THEM4: variants seen among roughly 807,000 people sequenced by gnomAD.
THEM4 encodes thioesterase superfamily member 4, also known as acyl-coenzyme A thioesterase THEM4.
Under a neutral mutation model 25.0 loss-of-function variants are expected in THEM4, and 22 were observed. The observed-to-expected ratio is 0.88, with a 90% CI of 0.63 to 1.26. The LOEUF (loss-of-function observed/expected upper bound fraction) is 1.26. Ranked by LOEUF, THEM4 falls within the 50% of genes most tolerant of loss-of-function variation. The probability of loss-of-function intolerance (pLI) is 0.00; values close to 1 mark genes in which losing one functional copy is unlikely to be tolerated. For synonymous variants in THEM4, 113 were observed against 105.6 expected (o/e 1.07, Z -0.43); for missense variants, 286 against 300.3 (o/e 0.95, Z 0.35).
At position 151,871,702 on chromosome 1, in the gene THEM4, A is replaced by G. The variant is rs1653557074; in HGVS notation, c.*3186T>C. ...AACCAGTGTAAGAAATGAAACTGTA[A>G]AGGGAAAAAAGTGGATACGAAGGGA... On this transcript the variant is annotated 3_prime_UTR_variant, in exon 6 of 6. Coordinates refer to ENST00000368814, the MANE Select transcript of THEM4 (RefSeq NM_053055.5). 1.3e-5 allele frequency among the ~76,000 whole-genome samples: 2 copies of G among 151,850 alleles called. No individual in the cohort carries two copies. Among genetic ancestry groups the G allele is most frequent in the Admixed American group, 1.3e-4 (2 of 15,268 alleles).
intron 4 of THEM4, among the ~76,000 whole-genome samples, chr1:151,883,094 T>TTTTTA (rs1653882390): frequency 7.2e-6 from 1 of 138,290 alleles, no homozygotes; most frequent in South Asian, 2.4e-4. Flanking sequence ...TGTCAAATGC[T>TTTTTA]TTTATTTATT....
At chr1:151,890,047 C>CA (rs1654060061) in intron 2 of THEM4, 1 of 283,836 alleles carries the variant, frequency 3.5e-6, no homozygotes, top group Non-Finnish European at 7.3e-6. Context: ...GCTGGGATTA[C>CA]AGGCGCCCAC....
rs576887839 is a variant in THEM4 at position 151,906,001 on chromosome 1, C to T, written c.99+3359G>A. On this transcript the variant is annotated intron_variant, in intron 1 of 5. Transcript: ENST00000368814. ...AGTCCTCACAGCCCTCGCTCCCTCT[C>T]GGCGCCTCCTCTGCCTGGGCTCCCA... 1.1e-3 allele frequency among the ~76,000 whole-genome samples: 173 copies of T among 152,382 alleles called. 1 individual carries two copies. Among genetic ancestry groups the T allele is most frequent in the Middle Eastern group, 3.4e-3 (1 of 294 alleles).
At chr1:151,877,269 C>T in intron 4 of THEM4, 144 bp from the exon 5 acceptor site, 1 of 811,050 alleles carries the variant, frequency 1.2e-6, no homozygotes, top group Non-Finnish European at 1.8e-6. Context: ...ATACATTCCT[C>T]AAGGACTCTG....
intron 4 of THEM4, among the ~76,000 whole-genome samples, chr1:151,882,211 A>T (rs575086891): frequency 6.6e-6 from 1 of 152,280 alleles, no homozygotes; most frequent in Non-Finnish European, 1.5e-5. Flanking sequence ...ACCCATGTTT[A>T]CTAAAAATAC....
intron 2 of THEM4, chr1:151,889,677 C>T (rs558837027): frequency 1.5e-4 from 33 of 217,840 alleles, no homozygotes; most frequent in African/African-American, 6.4e-4. Context: ...TAAAATGGTA[C>T]GGTAAAGACG....
chr1:151,908,536 G>T (rs1291430830), intron 1 of THEM4, among the ~76,000 whole-genome samples: 3 of 152,180 alleles, frequency 2.0e-5, no homozygotes, highest in Non-Finnish European at 4.4e-5. Flanking sequence ...AGTAAAGTTT[G>T]AAAGCCAGAA....
intron 1 of THEM4, among the ~76,000 whole-genome samples, chr1:151,895,988 C>CT (rs1176553580): frequency 0.015 from 1,805 of 119,168 alleles, 31 homozygotes; most frequent in East Asian, 0.031. Flanking sequence ...TTCTTGCTTC[C>CT]TTTTTTTTTT....
intron 1 of THEM4, among the ~76,000 whole-genome samples, chr1:151,896,836 G>A (rs1458834014): frequency 6.6e-6 from 1 of 152,156 alleles, no homozygotes; most frequent in Non-Finnish European, 1.5e-5. Flanking sequence ...GATAAGGAGG[G>A]TAAGGGAAAA....
At chr1:151,878,889 TATACACACAC>T (rs1480692850) in intron 4 of THEM4, among the ~76,000 whole-genome samples, 29 of 127,682 alleles carry the variant, frequency 2.3e-4, no homozygotes, top group East Asian at 1.0e-3. Flanking sequence ...TGTATATGTC[TATACACACAC>T]ACACACACAC....
intron 1 of THEM4, among the ~76,000 whole-genome samples, chr1:151,896,553 C>T (rs1217183322): frequency 6.6e-6 from 1 of 151,988 alleles, no homozygotes; most frequent in Non-Finnish European, 1.5e-5. Context: ...AAATTAAGGC[C>T]TAAAAGAAGT....
At chr1:151,884,859 T>C (rs927272918) in intron 4 of THEM4, among the ~76,000 whole-genome samples, 3 of 151,364 alleles carry the variant, frequency 2.0e-5, no homozygotes, top group Non-Finnish European at 2.9e-5. Context: ...CAGCTAATTT[T>C]TGTATTTTTA....
intron 1 of THEM4, among the ~76,000 whole-genome samples, chr1:151,905,389 G>A (rs1226004331): frequency 1.3e-5 from 2 of 151,974 alleles, no homozygotes; most frequent in Non-Finnish European, 2.9e-5. Flanking sequence ...GAACTTAGAT[G>A]AATTGAGAAG....
At chr1:151,879,413 CTT>C (rs753707465) in intron 4 of THEM4, among the ~76,000 whole-genome samples, 23 of 141,934 alleles carry the variant, frequency 1.6e-4, no homozygotes, top group East Asian at 2.0e-4. Flanking sequence ...TTAAAAAGTT[CTT>C]TTTTTTTTTT....
intron 5 of THEM4, among the ~76,000 whole-genome samples, chr1:151,876,508 TGCGATCTCA>T (rs982474843): frequency 2.0e-5 from 3 of 148,778 alleles, no homozygotes; most frequent in African/African-American, 7.5e-5. Context: ...AGTGCAGAGG[TGCGATCTCA>T]GCTCACTGCA....
At chr1:151,893,580 TG>T (rs1300817753) in intron 2 of THEM4, among the ~76,000 whole-genome samples, 3 of 151,946 alleles carry the variant, frequency 2.0e-5, no homozygotes, top group Non-Finnish European at 2.9e-5. Context: ...CCTAAGAGTG[TG>T]GATGGTTCAC....
At position 151,882,329 on chromosome 1, in the gene THEM4, T is replaced by G. The variant is rs113033606; in HGVS notation, c.558-5204A>C. 7.0e-3 allele frequency among the ~76,000 whole-genome samples: 1,035 copies of G among 148,142 alleles called. 16 individuals are homozygous for G. Among genetic ancestry groups the G allele is most frequent in the African/African-American group, 0.025 (999 of 40,082 alleles). ...AGGCGGAGGTTGGAATGAGCCAAGA[T>G]TGCACCACTGACTCCAGCCTGGGTG... On this transcript the variant is annotated intron_variant, in intron 4 of 5. Coordinates refer to ENST00000368814, the MANE Select transcript of THEM4 (RefSeq NM_053055.5).
In THEM4 at chr1:151,906,076, C is replaced by T. The variant is rs555896286; in HGVS notation, c.99+3284G>A. ...TCAGCCCACTGCTGCACTGTGGGAG[C>T]GCCTTTCTGGGCTGGCCAAGGCCAG... On this transcript the variant is annotated intron_variant, in intron 1 of 5. Coordinates refer to ENST00000368814, the MANE Select transcript of THEM4 (RefSeq NM_053055.5). 3.3e-3 allele frequency among the ~76,000 whole-genome samples: 504 copies of T among 152,362 alleles called. 2 individuals carry two copies. The highest frequency in any genetic ancestry group is 0.011 in the African/African-American group (474 of 41,588).
intron 4 of THEM4, among the ~76,000 whole-genome samples, chr1:151,885,897 A>G (rs959392383): frequency 3.3e-5 from 5 of 152,234 alleles, no homozygotes; most frequent in African/African-American, 1.2e-4. Context: ...ACTGCAAATT[A>G]TTTTCAATTA....
Sources: allele counts gnomAD v4.1 joint callset (sites outside exome capture counted in the v4.1 genomes callset), GRCh38; gene constraint gnomAD v4.1.1; transcripts MANE v1.5; gene names NCBI Gene and HGNC (gene_info 2026-07-23, HGNC 2026-07-21).